DLG2: variants seen among roughly 807,000 people sequenced by gnomAD.
DLG2 encodes the protein disks large homolog 2.
Under a neutral mutation model 132.5 loss-of-function variants are expected in DLG2, and 45 were observed. That is an observed-to-expected ratio of 0.34 (90% CI 0.27 to 0.44). The LOEUF is 0.44. DLG2 is among the 20% of genes least tolerant of loss of function. The probability of loss-of-function intolerance (pLI) is 1.00; values close to 1 mark genes in which losing one functional copy is unlikely to be tolerated. For synonymous variants in DLG2, 424 were observed against 419.6 expected, an observed-to-expected ratio of 1.01 and a Z score of -0.13; for missense variants, 1,045 against 1,196.9, an observed-to-expected ratio of 0.87 and a Z score of 1.87.
chr11:84,875,821 T>G lies in DLG2; in HGVS notation c.357+235840A>C, dbSNP rs1009452411. Among the ~76,000 whole-genome samples, 4 of 152,148 alleles carry G rather than the reference T, an allele frequency of 2.6e-5. 1 individual carries two copies. Among genetic ancestry groups the G allele is most frequent in the African/African-American group, 9.7e-5 (4 of 41,434 alleles). On this transcript the variant is annotated intron_variant, in intron 6 of 27. Transcript: ENST00000376104. ...GTGGCGATCTCAGCTCACTGAAATC[T>G]CCACCTCCCAGGTTCAAGCGATTCT...
intron 3 of DLG2, among the ~76,000 whole-genome samples, chr11:85,534,944 A>G (rs564686287): frequency 6.1e-4 from 93 of 152,336 alleles, no homozygotes; most frequent in African/African-American, 2.2e-3. Flanking sequence ...AAACTAATTT[A>G]CATTTTCACC....
chr11:83,561,934 G>T (rs2096618343), intron 19 of DLG2, among the ~76,000 whole-genome samples: 1 of 137,914 alleles, frequency 7.3e-6, no homozygotes, highest in Non-Finnish European at 1.5e-5. Context: ...CTGTCACCAG[G>T]CTGGAGTGCA....
chr11:83,665,725 G>T (rs2075379321), intron 18 of DLG2, among the ~76,000 whole-genome samples: 1 of 152,088 alleles, frequency 6.6e-6, no homozygotes, highest in Non-Finnish European at 1.5e-5. Context: ...CGTGCCCCTT[G>T]TCAACCACTA....
intron 6 of DLG2, among the ~76,000 whole-genome samples, chr11:84,755,390 C>T (rs1188761800): frequency 6.6e-6 from 1 of 151,724 alleles, no homozygotes; most frequent in Non-Finnish European, 1.5e-5. Context: ...CTGGACACTT[C>T]ATCTCATAGT....
chr11:85,405,140 C>T (rs1337295206), intron 3 of DLG2, among the ~76,000 whole-genome samples: 1 of 151,922 alleles, frequency 6.6e-6, no homozygotes, highest in Non-Finnish European at 1.5e-5. Context: ...TGGTTTGACA[C>T]TGCTAAGTAC....
At chr11:83,615,611 A>C (rs1359540925) in intron 19 of DLG2, among the ~76,000 whole-genome samples, 1 of 152,236 alleles carries the variant, frequency 6.6e-6, no homozygotes, top group Non-Finnish European at 1.5e-5. Flanking sequence ...ATCCAATCTA[A>C]TCACATCAAT....
At chr11:84,810,448 T>C (rs770676803) in intron 6 of DLG2, among the ~76,000 whole-genome samples, 3 of 152,144 alleles carry the variant, frequency 2.0e-5, no homozygotes, top group Non-Finnish European at 4.4e-5. Flanking sequence ...GAGACATCAC[T>C]ACATACAAAA....
chr11:84,413,520 A>G (rs2098917417), intron 7 of DLG2, among the ~76,000 whole-genome samples: 1 of 152,180 alleles, frequency 6.6e-6, no homozygotes, highest in South Asian at 2.1e-4. Flanking sequence ...CAGAAATGTG[A>G]TGTGTCCTCA....
At position 83,458,570 on chromosome 11, in the gene DLG2, A is replaced by G. The variant is rs1166503105; in HGVS notation, c.*1248T>C. ...TCATTGGCTCTAGTACCATCTCTGG[A>G]TGTTACAAAACTCTCAGTTACTCTG... On this transcript the variant is annotated 3_prime_UTR_variant, in exon 28 of 28. Coordinates refer to ENST00000376104, the MANE Select transcript of DLG2 (RefSeq NM_001142699.3). 1 of 152,502 alleles carries G rather than the reference A, an allele frequency of 6.6e-6. No individual in the cohort carries two copies. Among genetic ancestry groups the G allele is most frequent in the Non-Finnish European group, 1.5e-5 (1 of 68,040 alleles). 9.4% of individuals were successfully genotyped at this position (152,502 alleles called of 1,614,324 possible). A position where few individuals can be genotyped will look rare whatever the true frequency, so the allele number is the denominator to read the frequency against.
chr11:84,988,968 T>C (rs1286477841), intron 6 of DLG2, among the ~76,000 whole-genome samples: 1 of 152,026 alleles, frequency 6.6e-6, no homozygotes, highest in Non-Finnish European at 1.5e-5. Context: ...AATCCTAGTG[T>C]ATAAAAACTC....
At chr11:85,370,633 T>G (rs1477986990) in intron 3 of DLG2, among the ~76,000 whole-genome samples, 1 of 152,234 alleles carries the variant, frequency 6.6e-6, no homozygotes, top group Non-Finnish European at 1.5e-5. Context: ...TACGGTACTC[T>G]GGAATTCTAT....
At chr11:85,156,734 C>T (rs961290363) in intron 4 of DLG2, among the ~76,000 whole-genome samples, 2 of 152,208 alleles carry the variant, frequency 1.3e-5, no homozygotes, top group African/African-American at 4.8e-5. Flanking sequence ...CACGGCGGCA[C>T]ATCCACCATC....
At chr11:84,502,571 A>T (rs1391191200) in intron 7 of DLG2, among the ~76,000 whole-genome samples, 1 of 150,476 alleles carries the variant, frequency 6.6e-6, no homozygotes, top group African/African-American at 2.5e-5. Context: ...AATTTTTTGT[A>T]TTTTTTAGTA....
At chr11:85,050,118 T>TCACA (rs33991615) in intron 6 of DLG2, among the ~76,000 whole-genome samples, 20,755 of 136,636 alleles carry the variant, frequency 0.15, 1,693 homozygotes, top group Middle Eastern at 0.26. Flanking sequence ...CACTGTGTCA[T>TCACA]CACACACACA....
chr11:83,974,205 T>C (rs1466019513), intron 12 of DLG2, among the ~76,000 whole-genome samples: 3 of 152,074 alleles, frequency 2.0e-5, no homozygotes, highest in African/African-American at 7.2e-5. Flanking sequence ...TCAGATAATT[T>C]CTACATATTC....
intron 3 of DLG2, among the ~76,000 whole-genome samples, chr11:85,492,621 A>T (rs994529625): frequency 2.0e-5 from 3 of 152,206 alleles, no homozygotes; most frequent in African/African-American, 4.8e-5. Context: ...TTATACAAAT[A>T]AAATTAAGTG....
intron 3 of DLG2, among the ~76,000 whole-genome samples, chr11:85,360,798 AATCTCTCCTGGT>A (rs1368301156): frequency 6.6e-6 from 1 of 152,184 alleles, no homozygotes; most frequent in Non-Finnish European, 1.5e-5. Flanking sequence ...TTCTCAATAA[AATCTCTCCTGGT>A]ATCAACATAA....
rs1158977364 is a variant in DLG2 at position 84,375,168 on chromosome 11, G to A, written c.520-123877C>T. The stretch of plus-strand genomic sequence containing the variant: ...TATTCTCATTATAACACTTTTCATA[G>A]TGGACTGTTATTAACTGATTATGTG... On this transcript the variant is annotated intron_variant, in intron 7 of 27. Transcript: ENST00000376104. Among the ~76,000 whole-genome samples, 4 of 152,236 alleles carry A rather than the reference G, an allele frequency of 2.6e-5. No homozygotes were observed. The East Asian group carries it at 5.8e-4, about 22-fold the overall frequency.
intron 6 of DLG2, among the ~76,000 whole-genome samples, chr11:84,594,946 A>AT (rs1323110625): frequency 6.6e-6 from 1 of 152,220 alleles, no homozygotes; most frequent in Admixed American, 6.5e-5. Context: ...TAAACTCAGC[A>AT]TTTATATCAA....
Sources: gnomAD v4.1 joint callset for allele counts (sites outside exome capture counted in the v4.1 genomes callset) on GRCh38, gnomAD v4.1.1 for gene constraint, MANE v1.5 for transcripts, NCBI Gene and HGNC (gene_info 2026-07-23, HGNC 2026-07-21) for gene names.